PAK5: variants seen among roughly 807,000 people sequenced by gnomAD.
PAK5 encodes serine/threonine-protein kinase PAK 5.
A neutral mutation model predicts 65.9 loss-of-function variants in PAK5; 16 were observed. The ratio of observed to expected loss-of-function variants is 0.24; its 90% CI spans 0.16 to 0.37. The LOEUF is 0.37. Among genes scored for constraint, PAK5 ranks in the 10% least tolerant of loss-of-function variants. PAK5 has a pLI of 1.00. For synonymous variants in PAK5, 371 were observed against 354.9 expected, an observed-to-expected ratio of 1.05 and a Z score of -0.51; for missense variants, 785 against 903.9, an observed-to-expected ratio of 0.87 and a Z score of 1.69.
In PAK5 at chr20:9,581,005, A is replaced by G. The variant is rs992153187; in HGVS notation, c.205-75T>C. ...AAATTGATGGTGGCATCCCACCCCC[A>G]CTCCATCCAAATTAAACTACAGAAG... On this transcript the variant is annotated intron_variant, in intron 3 of 9. Coordinates refer to ENST00000353224, the MANE Select transcript of PAK5 (RefSeq NM_177990.4). 2.8e-6 allele frequency: 3 copies of G among 1,074,068 alleles called. No homozygotes were observed. The Admixed American group carries it at 7.0e-5, about 25-fold the overall frequency. 66.5% of individuals were successfully genotyped at this position (1,074,068 alleles called of 1,614,324 possible).
intron 2 of PAK5, among the ~76,000 whole-genome samples, chr20:9,651,608 T>C (rs1167164281): frequency 1.3e-5 from 2 of 152,162 alleles, no homozygotes; most frequent in African/African-American, 4.8e-5. Flanking sequence ...ACAATAAAAA[T>C]TGGTTAAAAT....
At chr20:9,604,082 T>C (rs2046407963) in intron 3 of PAK5, among the ~76,000 whole-genome samples, 1 of 152,168 alleles carries the variant, frequency 6.6e-6, no homozygotes, top group Non-Finnish European at 1.5e-5. Context: ...CTTAAACACA[T>C]CCTTAGAATA....
At chr20:9,834,363 T>G (rs1978980241) in intron 1 of PAK5, among the ~76,000 whole-genome samples, 1 of 152,172 alleles carries the variant, frequency 6.6e-6, no homozygotes, top group Non-Finnish European at 1.5e-5. Context: ...ACTTCTCACT[T>G]GGATTAAACA....
At chr20:9,618,110 G>A (rs2046694144) in intron 3 of PAK5, among the ~76,000 whole-genome samples, 3 of 152,162 alleles carry the variant, frequency 2.0e-5, no homozygotes, top group Admixed American at 2.0e-4. Context: ...AAATAGGCTT[G>A]TAATGTGGCT....
chr20:9,834,521 C>T (rs780338184), intron 1 of PAK5, among the ~76,000 whole-genome samples: 3 of 152,098 alleles, frequency 2.0e-5, no homozygotes, highest in Non-Finnish European at 2.9e-5. Context: ...AAAACAGTGC[C>T]CACCTAGATA....
rs1347389163 is a variant in PAK5 at position 9,546,616 on chromosome 20, G to A, written c.1744-2122C>T. Among the ~76,000 whole-genome samples the A allele has an allele frequency of 3.9e-5, 6 of 152,170 alleles. No individual in the cohort carries two copies. The East Asian group carries it at 5.8e-4, about 15-fold the overall frequency. On this transcript the variant is annotated intron_variant, in intron 7 of 9. Transcript: ENST00000353224. ...CGAAATTGAGGCATTACAGGAGACCGAAGAGAAAGACATCAAGAAATCAGA... is the reference window on the plus strand; with the variant it reads ...CGAAATTGAGGCATTACAGGAGACCAAAGAGAAAGACATCAAGAAATCAGA...
At chr20:9,765,283 TA>T (rs2048744591) in intron 1 of PAK5, among the ~76,000 whole-genome samples, 1 of 152,162 alleles carries the variant, frequency 6.6e-6, no homozygotes, top group African/African-American at 2.4e-5. Flanking sequence ...TAATAGTATC[TA>T]AAAGCCAGTT....
At chr20:9,779,352 A>G (rs2048917718) in intron 1 of PAK5, among the ~76,000 whole-genome samples, 1 of 134,514 alleles carries the variant, frequency 7.4e-6, no homozygotes, top group Non-Finnish European at 1.6e-5. Context: ...CATTTGTCTA[A>G]TATATATATA....
chr20:9,684,163 T>C (rs1037619098), intron 2 of PAK5, among the ~76,000 whole-genome samples: 1 of 152,200 alleles, frequency 6.6e-6, no homozygotes, highest in Non-Finnish European at 1.5e-5. Context: ...TAGCCAACTG[T>C]GACTACAGAG....
At chr20:9,774,249 T>C (rs1186625277) in intron 1 of PAK5, among the ~76,000 whole-genome samples, 2 of 152,294 alleles carry the variant, frequency 1.3e-5, no homozygotes, top group East Asian at 3.9e-4. Context: ...GTCCCAACAC[T>C]TCTCTTCTGA....
At chr20:9,708,469 T>C (rs1433765524) in intron 2 of PAK5, among the ~76,000 whole-genome samples, 1 of 152,202 alleles carries the variant, frequency 6.6e-6, no homozygotes, top group African/African-American at 2.4e-5. Context: ...ATGTAAAGCA[T>C]TTAATATAGG....
chr20:9,580,323 G>A lies in PAK5; in HGVS notation c.812C>T (p.Ser271Leu), dbSNP rs781706438. Reference protein sequence around the residue: ...LDDYDRRPKSSYLNQTSPQPT... With the variant: ...LDDYDRRPKSLYLNQTSPQPT... Reference sequence around the variant, plus strand: ...CTGAGGGCTTGTCTGATTCAGGTACGAAGACTTTGGCCTCCTGTCATAGTC... The same window carrying A: ...CTGAGGGCTTGTCTGATTCAGGTACAAAGACTTTGGCCTCCTGTCATAGTC... The change falls in exon 4 of 10, where the codon TCG (serine) becomes TTG (leucine). Residue 271 changes from serine to leucine, a missense_variant. By Grantham distance (145) the Ser-to-Leu change is moderately radical. Transcript: ENST00000353224. 7 of 1,614,136 alleles carry A rather than the reference G, an allele frequency of 4.3e-6. No homozygotes were observed. Among genetic ancestry groups the A allele is most frequent in the Non-Finnish European group, 5.9e-6 (7 of 1,180,036 alleles).
At chr20:9,706,806 C>A (rs543228049) in intron 2 of PAK5, among the ~76,000 whole-genome samples, 2 of 152,090 alleles carry the variant, frequency 1.3e-5, no homozygotes, top group Non-Finnish European at 2.9e-5. Context: ...CCAAGCCCAA[C>A]CTACAAATTT....
chr20:9,595,740 C>T (rs894136078), intron 3 of PAK5, among the ~76,000 whole-genome samples: 8 of 152,082 alleles, frequency 5.3e-5, no homozygotes, highest in African/African-American at 1.5e-4. Context: ...AGACATCGTT[C>T]GCTACTTCAT....
rs530480153 is a variant in PAK5 at position 9,765,124 on chromosome 20, C to T, written c.-161-53689G>A. Among the ~76,000 whole-genome samples the T allele has an allele frequency of 1.8e-4, 28 of 152,194 alleles. No individual in the cohort carries two copies. The South Asian group carries it at 2.7e-3, about 15-fold the overall frequency. ...TAATGAGCCATAACATGATGCTGTC[C>T]GGGTTGCTAAATCATTGCATGAAGA... is the stretch of plus-strand genomic sequence containing the variant. On this transcript the variant is annotated intron_variant, in intron 1 of 9. Coordinates refer to ENST00000353224, the MANE Select transcript of PAK5 (RefSeq NM_177990.4).
chr20:9,692,742 T>C (rs2123437392), intron 2 of PAK5, among the ~76,000 whole-genome samples: 1 of 152,236 alleles, frequency 6.6e-6, no homozygotes, highest in African/African-American at 2.4e-5. Context: ...ATGACAAAGT[T>C]CCAAAACTGG....
intron 3 of PAK5, among the ~76,000 whole-genome samples, chr20:9,606,934 T>C (rs2046465962): frequency 6.6e-6 from 1 of 152,182 alleles, no homozygotes; most frequent in South Asian, 2.1e-4. Context: ...GATAATTTCC[T>C]TCTGTGTGCA....
At chr20:9,815,064 G>C (rs2049340772) in intron 1 of PAK5, among the ~76,000 whole-genome samples, 1 of 152,132 alleles carries the variant, frequency 6.6e-6, no homozygotes, top group Admixed American at 6.6e-5. Context: ...AAGCAAAAGA[G>C]AAAGGAGGAG....
At chr20:9,545,284 C>G (rs1048831411) in intron 7 of PAK5, among the ~76,000 whole-genome samples, 6 of 152,100 alleles carry the variant, frequency 3.9e-5, no homozygotes, top group African/African-American at 1.4e-4. Flanking sequence ...ACATACTGCA[C>G]CCTGGGTGTT....
Sources: gnomAD v4.1 joint callset for allele counts (sites outside exome capture counted in the v4.1 genomes callset) on GRCh38, gnomAD v4.1.1 for gene constraint, MANE v1.5 for transcripts, NCBI Gene and HGNC (gene_info 2026-07-23, HGNC 2026-07-21) for gene names.